COL4A6: variants seen among roughly 807,000 people sequenced by gnomAD.
COL4A6 encodes collagen type IV alpha 6 chain, also known as collagen alpha-6(IV) chain.
COL4A6 carries 59 observed loss-of-function variants against 126.7 expected under a neutral mutation model. That is an observed-to-expected ratio of 0.47 (90% CI 0.38 to 0.58). The LOEUF (loss-of-function observed/expected upper bound fraction) is 0.58, where lower values mean the gene tolerates loss of function less well. COL4A6 is among the 20% of genes least tolerant of loss of function. COL4A6 has a pLI of 0.00. For synonymous variants in COL4A6, 547 were observed against 496.6 expected (o/e 1.10, Z -1.35); for missense variants, 1,285 against 1,337.3 (o/e 0.96, Z 0.61).
At chrX:108,162,823 C>A in intron 41 of COL4A6, 69 bp downstream of exon 41, 1 of 1,065,715 alleles carries the variant, frequency 9.4e-7, no homozygotes. Flanking sequence ...AGGTGGACAT[C>A]CAAGCCAGCC....
intron 2 of COL4A6, among the ~76,000 whole-genome samples, chrX:108,319,807 G>A (rs1291299787): frequency 8.9e-6 from 1 of 111,900 alleles, no homozygotes; most frequent in Non-Finnish European, 1.9e-5. Flanking sequence ...AGGGACATGG[G>A]GTAAGAAGTA....
intron 2 of COL4A6, among the ~76,000 whole-genome samples, chrX:108,416,001 A>T (rs771498233): frequency 3.6e-5 from 4 of 112,346 alleles, no homozygotes; most frequent in Non-Finnish European, 7.5e-5. Context: ...ACTTGAGTCC[A>T]CAGACTTGTA....
rs150789842 is a variant in COL4A6, at chrX:108,431,566, A to C, written c.63+6376T>G. ...TTGTTATTGTCTTTATTTAGAAATTAAGTATGGTTTAAGAAGATGCATAAC... is the reference window on the plus strand; with the variant it reads ...TTGTTATTGTCTTTATTTAGAAATTCAGTATGGTTTAAGAAGATGCATAAC... On this transcript the variant is annotated intron_variant, in intron 2 of 44. Transcript: ENST00000334504. Among the ~76,000 whole-genome samples, 28 of 111,969 alleles carry C rather than the reference A, an allele frequency of 2.5e-4. 1 individual carries two copies. The East Asian group carries it at 3.9e-3, about 16-fold the overall frequency.
chrX:108,317,665 C>G (rs1188919453), intron 2 of COL4A6, among the ~76,000 whole-genome samples: 1 of 111,257 alleles, frequency 9.0e-6, no homozygotes, highest in African/African-American at 3.3e-5. Flanking sequence ...GTTTTCCCAG[C>G]ACCATTTATT....
At chrX:108,398,097 A>C (rs2041004551) in intron 2 of COL4A6, among the ~76,000 whole-genome samples, 1 of 112,215 alleles carries the variant, frequency 8.9e-6, no homozygotes, top group Non-Finnish European at 1.9e-5. Context: ...TATATGTTAA[A>C]ATAGTTAAAG....
intron 37 of COL4A6, among the ~76,000 whole-genome samples, chrX:108,165,848 G>A (rs1452949964): frequency 8.9e-6 from 1 of 112,645 alleles, no homozygotes; most frequent in African/African-American, 3.2e-5. Context: ...AAACCTGTCT[G>A]TGTCAAAAAA....
chrX:108,365,498 T>C (rs1158692507), intron 2 of COL4A6, among the ~76,000 whole-genome samples: 3 of 111,567 alleles, frequency 2.7e-5, no homozygotes, highest in Non-Finnish European at 3.8e-5. Flanking sequence ...ACCTCTGTGG[T>C]ATTGAAAGTA....
In COL4A6 at chrX:108,188,020, A is replaced by G; in HGVS notation, c.1595T>C (p.Val532Ala). Reference protein sequence around the residue: ...AQGPAGAPGLVGPLGPSGPKG... With the variant: ...AQGPAGAPGLAGPLGPSGPKG... ...GGGTCCTGAAGGACCCAGAGGCCCA[A>G]CTAAGCCCTGACAAAGAAAAGAGAG... Residue 532 changes from valine to alanine, a missense_variant, in exon 22 of 45, where the codon GTT becomes GCT. Val to Ala is a moderately conservative substitution (Grantham distance 64, BLOSUM62 0). Coordinates refer to ENST00000334504, the MANE Select transcript of COL4A6 (RefSeq NM_033641.4). 1 of 1,187,651 alleles carries G rather than the reference A, an allele frequency of 8.4e-7. No homozygotes were observed. Among genetic ancestry groups the G allele is most frequent in the Non-Finnish European group, 1.1e-6 (1 of 879,664 alleles).
chrX:108,372,937 G>T (rs1268671269), intron 2 of COL4A6, among the ~76,000 whole-genome samples: 1 of 112,300 alleles, frequency 8.9e-6, no homozygotes, highest in Non-Finnish European at 1.9e-5. Context: ...AACTAAGTGG[G>T]TAAGTGGATT....
intron 2 of COL4A6, among the ~76,000 whole-genome samples, chrX:108,311,632 C>A (rs2038763309): frequency 9.0e-6 from 1 of 111,731 alleles, no homozygotes; most frequent in African/African-American, 3.3e-5. Flanking sequence ...ATGTTCTTCT[C>A]CTAGATATTT....
rs1233201387 is a variant in COL4A6, at chrX:108,260,774, G to T, written c.145-39400C>A. Among the ~76,000 whole-genome samples the T allele has an allele frequency of 2.7e-5, 3 of 109,766 alleles. No homozygotes were observed. In the Admixed American group the frequency reaches 2.9e-4, roughly 11 times the overall value. On this transcript the variant is annotated intron_variant, in intron 3 of 44. Transcript: ENST00000334504. ...GATTGAAGTTGATTCTGTGGAATCTGCTGTGTATGTCTTGGAATGCCCTAT... is the reference window on the plus strand; with the variant it reads ...GATTGAAGTTGATTCTGTGGAATCTTCTGTGTATGTCTTGGAATGCCCTAT...
At chrX:108,418,644 C>T (rs2041477789) in intron 2 of COL4A6, among the ~76,000 whole-genome samples, 1 of 112,317 alleles carries the variant, frequency 8.9e-6, no homozygotes, top group African/African-American at 3.2e-5. Context: ...AGATATGTAG[C>T]TTTGTGCTTC....
At chrX:108,284,008 A>C (rs1251624589) in intron 3 of COL4A6, among the ~76,000 whole-genome samples, 1 of 111,576 alleles carries the variant, frequency 9.0e-6, no homozygotes, top group Non-Finnish European at 1.9e-5. Flanking sequence ...CAAAATACAG[A>C]GGCAGAAATA....
chrX:108,158,266 G>A, intron 44 of COL4A6, among the ~76,000 whole-genome samples: 1 of 112,891 alleles, frequency 8.9e-6, no homozygotes, highest in Non-Finnish European at 1.9e-5. Flanking sequence ...CCACACCAAG[G>A]GGTACGGCCC....
chrX:108,241,335 C>G (rs2036566467), intron 3 of COL4A6, among the ~76,000 whole-genome samples: 1 of 108,747 alleles, frequency 9.2e-6, no homozygotes, highest in Non-Finnish European at 1.9e-5. Context: ...GGAAATGAAG[C>G]AAAGAGAAGT....
chrX:108,418,167 G>A lies in COL4A6; in HGVS notation c.63+19775C>T, dbSNP rs929350333. ...TTGACATAACGAATAGGTGTTAATA[G>A]AAGGATGCTGTCTGACTGCCTCTAA... On this transcript the variant is annotated intron_variant, in intron 2 of 44. Transcript: ENST00000334504. Among the ~76,000 whole-genome samples the A allele has an allele frequency of 5.4e-5, 6 of 112,080 alleles. No homozygotes were observed. The East Asian group carries it at 1.7e-3, about 31-fold the overall frequency.
intron 2 of COL4A6, among the ~76,000 whole-genome samples, chrX:108,436,114 A>G (rs148044766): frequency 1.2e-3 from 132 of 112,489 alleles, no homozygotes; most frequent in African/African-American, 3.8e-3. Context: ...AAAACTGAAA[A>G]AAAGTAGCTT....
At chrX:108,212,606 T>C (rs1170186889) in intron 6 of COL4A6, among the ~76,000 whole-genome samples, 1 of 111,733 alleles carries the variant, frequency 8.9e-6, no homozygotes, top group Non-Finnish European at 1.9e-5. Flanking sequence ...ACAGGGATTA[T>C]TGGTATCATA....
At chrX:108,280,406 A>C (rs1195149845) in intron 3 of COL4A6, among the ~76,000 whole-genome samples, 1 of 112,143 alleles carries the variant, frequency 8.9e-6, no homozygotes, top group Non-Finnish European at 1.9e-5. Flanking sequence ...GAAATGAATA[A>C]AGTCCTCGAC....
Sources: allele counts gnomAD v4.1 joint callset (sites outside exome capture counted in the v4.1 genomes callset), GRCh38; gene constraint gnomAD v4.1.1; transcripts MANE v1.5; gene names NCBI Gene and HGNC (gene_info 2026-07-23, HGNC 2026-07-21).